Variants in NEBL observed in about 807,000 individuals in gnomAD.
NEBL encodes the protein LIM and SH3 protein 2.
In NEBL, 122 loss-of-function variants were observed where a neutral mutation model predicts 140.2. That is an observed-to-expected ratio of 0.87 (90% CI 0.75 to 1.01). NEBL has a LOEUF of 1.01. Ranked by LOEUF, NEBL falls within the 50% of genes least tolerant of loss-of-function variation. The pLI, the probability that NEBL is intolerant of heterozygous loss-of-function variation, is 0.00. For synonymous variants in NEBL, 436 were observed against 398.9 expected, an observed-to-expected ratio of 1.09 and a Z score of -1.11; for missense variants, 1,365 against 1,231.3, an observed-to-expected ratio of 1.11 and a Z score of -1.62.
At chr10:21,230,028 G>C (rs1842224659) in intron 3 of NEBL, among the ~76,000 whole-genome samples, 1 of 152,146 alleles carries the variant, frequency 6.6e-6, no homozygotes, top group Non-Finnish European at 1.5e-5. Context: ...TCCAGTTCAT[G>C]GTTCATCAGA....
chr10:20,812,923 A>C lies in NEBL; in HGVS notation c.2364T>G (p.Asp788Glu). The C allele has an allele frequency of 6.2e-7, 1 of 1,613,834 alleles. No individual in the cohort carries two copies. Residue 788 changes from aspartate (D) to glutamate (E), a missense_variant, in exon 24 of 28, where the codon GAT (aspartate) becomes GAG (glutamate). Physicochemically the swap from Asp to Glu is conservative, Grantham distance 45 (BLOSUM62 2). Around this residue, in one of 2 missense-constraint regions of NEBL, gnomAD observed 1,323 missense variants for 1,154.8 expected, o/e 1.15. Coordinates refer to ENST00000377122, the MANE Select transcript of NEBL (RefSeq NM_006393.3). ...NHISMVKYHE[D>E]FEKTKGRGFT... Reference sequence around the variant, plus strand: ...AGCCTCTCCCCTTTGTTTTTTCAAAATCTTCATGGTATTTTACCTGAAAAA... The same window carrying C: ...AGCCTCTCCCCTTTGTTTTTTCAAACTCTTCATGGTATTTTACCTGAAAAA...
At chr10:20,923,666 CAAAAAAAAAAAAAAAAA>C (rs71390799) in intron 4 of NEBL, among the ~76,000 whole-genome samples, 3 of 28,362 alleles carry the variant, frequency 1.1e-4, no homozygotes, top group Admixed American at 6.3e-4. Context: ...GACTCCGTCT[CAAAAAAAAAAAAAAAAA>C]AAAAAAAAAA....
intron 4 of NEBL, among the ~76,000 whole-genome samples, chr10:20,956,711 C>T (rs1172541922): frequency 6.6e-6 from 1 of 151,750 alleles, no homozygotes; most frequent in Non-Finnish European, 1.5e-5. Flanking sequence ...GTATAAAGAA[C>T]AAAATTAACA....
intron 3 of NEBL, among the ~76,000 whole-genome samples, chr10:20,966,320 C>T (rs1196678533): frequency 1.3e-5 from 2 of 152,296 alleles, no homozygotes; most frequent in South Asian, 2.1e-4. Flanking sequence ...TGAATTTAAA[C>T]CGATTCTTTT....
chr10:21,038,942 T>C (rs917056899), intron 2 of NEBL, among the ~76,000 whole-genome samples: 5 of 152,202 alleles, frequency 3.3e-5, no homozygotes, highest in African/African-American at 1.2e-4. Context: ...TGGTTTTGAT[T>C]TGCATTTCTC....
chr10:21,020,062 G>A (rs1838724590), intron 3 of NEBL: 2 of 1,418,644 alleles, frequency 1.4e-6, no homozygotes, highest in Admixed American at 1.7e-5. Context: ...CAGAAGAGCA[G>A]CCTTGTGAAA....
chr10:21,102,010 G>A (rs1220376018), intron 2 of NEBL, among the ~76,000 whole-genome samples: 1 of 152,152 alleles, frequency 6.6e-6, no homozygotes, highest in Non-Finnish European at 1.5e-5. Flanking sequence ...CATTCTCATA[G>A]GTGTGTCACA....
chr10:21,098,089 C>A (rs1837281931), intron 2 of NEBL, among the ~76,000 whole-genome samples: 1 of 152,004 alleles, frequency 6.6e-6, no homozygotes, highest in Admixed American at 6.6e-5. Flanking sequence ...AACAATGGGT[C>A]TACTGAAAAG....
chr10:20,795,377 A>G (rs778743143), intron 26 of NEBL, among the ~76,000 whole-genome samples: 26 of 152,208 alleles, frequency 1.7e-4, no homozygotes, highest in Non-Finnish European at 3.2e-4. Flanking sequence ...GTTTATGTGT[A>G]TGTGGTTGAT....
At chr10:20,872,756 T>C (rs1217777747) in intron 5 of NEBL, among the ~76,000 whole-genome samples, 1 of 152,170 alleles carries the variant, frequency 6.6e-6, no homozygotes, top group African/African-American at 2.4e-5. Flanking sequence ...GAGAGTGACC[T>C]CTGGTCATCC....
intron 2 of NEBL, among the ~76,000 whole-genome samples, chr10:21,148,674 T>A (rs991666727): frequency 6.6e-6 from 1 of 152,122 alleles, no homozygotes; most frequent in East Asian, 1.9e-4. Context: ...TGCAGGCACA[T>A]ACCACCATGC....
rs774955197 is a variant in NEBL at position 20,823,270 on chromosome 10, T to C, written c.1900A>G (p.Thr634Ala). The change falls in exon 19 of 28, where the codon ACA (threonine) becomes GCA (alanine). Residue 634 changes from threonine (T) to alanine (A), a missense_variant. By Grantham distance (58) the Thr-to-Ala change is moderately conservative. Coordinates refer to ENST00000377122, the MANE Select transcript of NEBL (RefSeq NM_006393.3). ...AGTTCTGGAGGATCAGAAATGGCTGTTGCATGTTTAATCTCTTCTTTGTAT... is the reference window on the plus strand; with the variant it reads ...AGTTCTGGAGGATCAGAAATGGCTGCTGCATGTTTAATCTCTTCTTTGTAT... ...VKYKEEIKHA[T>A]AISDPPELKR... The C allele has an allele frequency of 1.2e-6, 2 of 1,609,052 alleles. No homozygotes were observed. Among genetic ancestry groups the C allele is most frequent in the South Asian group, 2.2e-5 (2 of 90,832 alleles).
At chr10:21,271,128 T>C (rs1285412201) in intron 1 of NEBL, among the ~76,000 whole-genome samples, 1 of 152,120 alleles carries the variant, frequency 6.6e-6, no homozygotes, top group Non-Finnish European at 1.5e-5. Context: ...AATGACTAGA[T>C]CAAGAAAATG....
At chr10:21,234,227 A>C (rs1842316691) in intron 3 of NEBL, among the ~76,000 whole-genome samples, 1 of 152,042 alleles carries the variant, frequency 6.6e-6, no homozygotes, top group Non-Finnish European at 1.5e-5. Context: ...TTTCCTCCAA[A>C]TCACATGTTG....
intron 2 of NEBL, among the ~76,000 whole-genome samples, chr10:21,143,863 A>C (rs1424393849): frequency 6.6e-6 from 1 of 152,122 alleles, no homozygotes; most frequent in Non-Finnish European, 1.5e-5. Flanking sequence ...TAAGACAAGA[A>C]AAGAAAAAAA....
intron 1 of NEBL, among the ~76,000 whole-genome samples, chr10:21,274,049 G>A (rs986003845): frequency 6.6e-6 from 1 of 152,178 alleles, no homozygotes; most frequent in South Asian, 2.1e-4. Context: ...CTGAGGGGAT[G>A]TTACTTCCAT....
rs559478050 is a variant in NEBL at position 20,784,534 on chromosome 10, C to T, written c.*1213G>A. ...ATGGAAAAGGACGTCTTTTGATTAACCCGTTTTGGTGGCTAGATTTCCATT... is the reference window on the plus strand; with the variant it reads ...ATGGAAAAGGACGTCTTTTGATTAATCCGTTTTGGTGGCTAGATTTCCATT... On this transcript the variant is annotated 3_prime_UTR_variant, in exon 28 of 28. Transcript: ENST00000377122. 2.6e-5 allele frequency: 4 copies of T among 152,028 alleles called. No individual in the cohort carries two copies. The highest frequency in any genetic ancestry group is 5.9e-5 in the Non-Finnish European group (4 of 67,994). 9.4% of individuals were successfully genotyped at this position (152,028 alleles called of 1,614,324 possible). A position where few individuals can be genotyped will look rare whatever the true frequency, so the allele number is the denominator to read the frequency against.
intron 2 of NEBL, among the ~76,000 whole-genome samples, chr10:21,112,592 G>C (rs1303383528): frequency 6.6e-6 from 1 of 151,374 alleles, no homozygotes; most frequent in Non-Finnish European, 1.5e-5. Context: ...CCTGTCGGGG[G>C]GTGGGGGACT....
intron 7 of NEBL, among the ~76,000 whole-genome samples, chr10:20,866,754 T>C (rs900903018): frequency 6.6e-6 from 1 of 152,190 alleles, no homozygotes; most frequent in Non-Finnish European, 1.5e-5. Context: ...TGGGTGTAAA[T>C]GGGTGTAAAA....
Sources: gnomAD v4.1 joint callset for allele counts (sites outside exome capture counted in the v4.1 genomes callset) on GRCh38, gnomAD v4.1.1 for gene constraint, gnomAD v4.1.1 regional missense constraint, MANE v1.5 for transcripts, NCBI Gene and HGNC (gene_info 2026-07-23, HGNC 2026-07-21) for gene names.